Variants in PI15 observed in about 807,000 individuals in gnomAD.
The protein encoded by PI15 is 25 kDa trypsin inhibitor.
PI15 carries 18 observed loss-of-function variants against 31.0 expected under a neutral mutation model. That is an observed-to-expected ratio of 0.58 (90% CI 0.40 to 0.86). The LOEUF is 0.86. PI15 is among the 40% of genes least tolerant of loss of function. The probability of loss-of-function intolerance (pLI) is 0.00; values close to 1 mark genes in which losing one functional copy is unlikely to be tolerated. For missense variants in PI15, 282 were observed against 328.1 expected (o/e 0.86, Z 1.09); for synonymous variants, 118 against 119.1 (o/e 0.99, Z 0.06).
intron 5 of PI15, among the ~76,000 whole-genome samples, chr8:74,847,296 T>G (rs1403803308): frequency 6.6e-6 from 1 of 151,846 alleles, no homozygotes; most frequent in African/African-American, 2.4e-5. Flanking sequence ...AAATACAAAA[T>G]TAGCTTGGTG....
intron 1 of PI15, 98 bp from the exon 2 acceptor site, chr8:74,825,112 T>C (rs1810672350): frequency 1.1e-5 from 8 of 741,954 alleles, no homozygotes; most frequent in Non-Finnish European, 1.8e-5. Flanking sequence ...TTGAAGAAAG[T>C]CAAATCAAGC....
chr8:74,834,823 C>T (rs973457386), intron 2 of PI15, among the ~76,000 whole-genome samples: 2 of 152,174 alleles, frequency 1.3e-5, no homozygotes, highest in African/African-American at 4.8e-5. Context: ...TCTCCAATTG[C>T]TCTACTTCTG....
At chr8:74,829,923 C>T (rs1810756762) in intron 2 of PI15, among the ~76,000 whole-genome samples, 1 of 152,024 alleles carries the variant, frequency 6.6e-6, no homozygotes, top group Non-Finnish European at 1.5e-5. Context: ...GACACTTGAG[C>T]TGTATTTTTG....
chr8:74,832,604 T>C (rs1435639780), intron 2 of PI15, among the ~76,000 whole-genome samples: 1 of 152,118 alleles, frequency 6.6e-6, no homozygotes, highest in Non-Finnish European at 1.5e-5. Flanking sequence ...TTGAGGTATT[T>C]GCTTGTCTAT....
Position 74,849,124 on chromosome 8 carries a change from T to C in PI15, c.648T>C (p.Asn216=). 2 of 1,610,914 alleles carry C rather than the reference T, an allele frequency of 1.2e-6. No individual in the cohort carries two copies. The highest frequency in any genetic ancestry group is 1.1e-5 in the South Asian group (1 of 90,292). Residue 216 remains asparagine (N), a synonymous_variant, in exon 6 of 6, where the codon AAT becomes AAC. Coordinates refer to ENST00000260113, the MANE Select transcript of PI15 (RefSeq NM_015886.5). ...TTTTTGTTTTCCCTTCTAGGGGCAATTGGATTGGAGAAGCACCATATAAAG... is the reference window on the plus strand; with the variant it reads ...TTTTTGTTTTCCCTTCTAGGGGCAACTGGATTGGAGAAGCACCATATAAAG... ...YLVCNYAPKG[N]WIGEAPYKVG... is the part of the protein sequence containing the mutation.
chr8:74,837,077 T>C (rs1178449837), intron 2 of PI15, among the ~76,000 whole-genome samples: 2 of 152,174 alleles, frequency 1.3e-5, no homozygotes, highest in Admixed American at 1.3e-4. Context: ...CATCTCTTTA[T>C]AGATAAATAA....
At chr8:74,838,597 T>C (rs932121082) in intron 2 of PI15, among the ~76,000 whole-genome samples, 4 of 152,054 alleles carry the variant, frequency 2.6e-5, no homozygotes, top group Admixed American at 1.3e-4. Context: ...CCAGTGTCTA[T>C]TTTTTACATC....
intron 2 of PI15, among the ~76,000 whole-genome samples, chr8:74,826,675 G>T (rs1049585996): frequency 2.0e-5 from 3 of 152,002 alleles, no homozygotes; most frequent in Non-Finnish European, 2.9e-5. Flanking sequence ...TAATCTAAAT[G>T]CTTGGGTTTG....
At chr8:74,843,419 G>A (rs1810972853) in intron 2 of PI15, among the ~76,000 whole-genome samples, 1 of 152,160 alleles carries the variant, frequency 6.6e-6, no homozygotes, top group African/African-American at 2.4e-5. Context: ...AGCAGTCTCA[G>A]GAACCAGAAT....
chr8:74,830,745 G>C (rs562306471), intron 2 of PI15, among the ~76,000 whole-genome samples: 1 of 151,874 alleles, frequency 6.6e-6, no homozygotes, highest in African/African-American at 2.4e-5. Flanking sequence ...CCCACAAGGC[G>C]CATTTCCTCT....
chr8:74,841,816 G>A (rs942592541), intron 2 of PI15, among the ~76,000 whole-genome samples: 11 of 152,044 alleles, frequency 7.2e-5, no homozygotes, highest in African/African-American at 2.7e-4. Context: ...CAAAAGAAAT[G>A]TTTTTTAAAG....
At chr8:74,837,561 A>G (rs1586954931) in intron 2 of PI15, among the ~76,000 whole-genome samples, 1 of 152,202 alleles carries the variant, frequency 6.6e-6, no homozygotes, top group East Asian at 1.9e-4. Context: ...GACTGCCCTA[A>G]AGGAAAATAA....
rs1203719681 is a variant in PI15, at chr8:74,839,338, T to A, written c.274-4643T>A. Among the ~76,000 whole-genome samples, 3 of 152,184 alleles carry A rather than the reference T, an allele frequency of 2.0e-5. 1 individual carries two copies. Among genetic ancestry groups the A allele is most frequent in the Admixed American group, 1.3e-4 (2 of 15,262 alleles). The stretch of plus-strand genomic sequence containing the variant: ...TCAACCAATTTATGAGCTGACCAAC[T>A]GAATGGCTCTTAATAAAAAAGAATG... On this transcript the variant is annotated intron_variant, in intron 2 of 5. Coordinates refer to ENST00000260113, the MANE Select transcript of PI15 (RefSeq NM_015886.5).
rs753897108 is a variant in PI15, at chr8:74,845,170, A to G, written c.435A>G (p.Glu145=). The change falls in exon 4 of 6, where the codon GAA becomes GAG. Residue 145 remains glutamate (E), a synonymous_variant. Coordinates refer to ENST00000260113, the MANE Select transcript of PI15 (RefSeq NM_015886.5). ...AGTTGGTCAAGCCATGGTATGATGA[A>G]GTGAAAGATTATGCTTTTCCATATC... ...ILQLVKPWYD[E]VKDYAFPYPQ... is the part of the protein sequence containing the mutation. The G allele has an allele frequency of 6.2e-7, 1 of 1,612,602 alleles. No homozygotes were observed. Among genetic ancestry groups the G allele is most frequent in the Non-Finnish European group, 8.5e-7 (1 of 1,178,570 alleles).
At chr8:74,833,941 C>T (rs986987236) in intron 2 of PI15, among the ~76,000 whole-genome samples, 9 of 152,296 alleles carry the variant, frequency 5.9e-5, no homozygotes, top group African/African-American at 7.2e-5. Flanking sequence ...GCCTGAGCTC[C>T]GCCTCCTGTC....
intron 2 of PI15, chr8:74,826,351 C>T: frequency 1.1e-6 from 1 of 910,622 alleles, no homozygotes; most frequent in Non-Finnish European, 1.3e-6. Context: ...ATGGTATTTC[C>T]AAATTGGGGT....
At chr8:74,832,815 C>A (rs1810805420) in intron 2 of PI15, among the ~76,000 whole-genome samples, 1 of 151,954 alleles carries the variant, frequency 6.6e-6, no homozygotes. Context: ...TGGAAGAATG[C>A]CCAACACGTT....
intron 2 of PI15, among the ~76,000 whole-genome samples, chr8:74,838,468 G>A (rs1810900549): frequency 6.6e-6 from 1 of 151,972 alleles, no homozygotes; most frequent in African/African-American, 2.4e-5. Flanking sequence ...TTTGTTACCT[G>A]GGTATATTTC....
At position 74,850,206 on chromosome 8, in the gene PI15, T is replaced by TA. The variant is rs1427909902; in HGVS notation, c.*954dup. The TA allele has an allele frequency of 3.3e-5, 5 of 152,214 alleles. No homozygotes were observed. Among genetic ancestry groups the TA allele is most frequent in the Non-Finnish European group, 5.9e-5 (4 of 68,036 alleles). 9.4% of individuals were successfully genotyped at this position (152,214 alleles called of 1,614,324 possible). On this transcript the variant is annotated 3_prime_UTR_variant, in exon 6 of 6. Coordinates refer to ENST00000260113, the MANE Select transcript of PI15 (RefSeq NM_015886.5). ...CTTCTGCTTCTCATGGGAATTTAGT[T>TA]ACAGTGCTTGGAATGAGAAGGGGAA... is the stretch of plus-strand genomic sequence containing the variant.
Sources: allele counts gnomAD v4.1 joint callset (sites outside exome capture counted in the v4.1 genomes callset), GRCh38; gene constraint gnomAD v4.1.1; transcripts MANE v1.5; gene names NCBI Gene and HGNC (gene_info 2026-07-23, HGNC 2026-07-21).